The following ZNF469 variants were observed in gnomAD, a reference collection of about 807,000 sequenced individuals.
The protein encoded by ZNF469 is zinc finger protein 469.
In ZNF469, 1 loss-of-function variant was observed where a neutral mutation model predicts 1.0. That is an observed-to-expected ratio of 1.00 (90% CI 0.35 to 4.73). The LOEUF (loss-of-function observed/expected upper bound fraction) is 4.73, where lower values mean the gene tolerates loss of function less well. Among genes scored for constraint, ZNF469 ranks in the 30% most tolerant of loss-of-function variants. The pLI, the probability that ZNF469 is intolerant of heterozygous loss-of-function variation, is 0.16. For synonymous variants in ZNF469, 2,703 were observed against 2,363.4 expected (o/e 1.14, Z -4.17); for missense variants, 6,100 against 5,356.3 (o/e 1.14, Z -4.33).
At chr16:88,291,795 C>A in the ZNF469 span, among the ~76,000 whole-genome samples, 1 of 152,116 alleles carries the variant, frequency 6.6e-6, no homozygotes, top group East Asian at 1.9e-4. Flanking sequence ...CCTGGGAGTG[C>A]CTTTAAGTCC....
chr16:88,163,917 T>TGGAC, the ZNF469 span, among the ~76,000 whole-genome samples: 2 of 143,602 alleles, frequency 1.4e-5, no homozygotes, highest in South Asian at 2.3e-4. Context: ...GATGGATGGA[T>TGGAC]GAGTGGGTGG....
chr16:88,381,189 C>G (rs1351311012), upstream of ZNF469, among the ~76,000 whole-genome samples: 3 of 130,812 alleles, frequency 2.3e-5, no homozygotes, highest in African/African-American at 3.5e-5. Context: ...CATGCACTCA[C>G]ACACATGCAT....
At chr16:88,266,985 C>G in the ZNF469 span, among the ~76,000 whole-genome samples, 1 of 152,232 alleles carries the variant, frequency 6.6e-6, no homozygotes, top group African/African-American at 2.4e-5. Flanking sequence ...ACCAGGGGGG[C>G]CCTGGAGCAG....
At chr16:88,260,792 T>G in the ZNF469 span, among the ~76,000 whole-genome samples, 1 of 152,198 alleles carries the variant, frequency 6.6e-6, no homozygotes, top group African/African-American at 2.4e-5. The surrounding 1 kb of genome is among the most constrained non-coding windows in gnomAD (Gnocchi z 4.1). Flanking sequence ...CAGATGTGAT[T>G]GAACTGAGGA....
the ZNF469 span, among the ~76,000 whole-genome samples, chr16:88,123,102 G>T: frequency 6.6e-6 from 1 of 152,130 alleles, no homozygotes; most frequent in African/African-American, 2.4e-5. Flanking sequence ...ATGCTGGCGA[G>T]TATGGACACA....
chr16:88,297,358 A>G, the ZNF469 span, among the ~76,000 whole-genome samples: 1 of 152,178 alleles, frequency 6.6e-6, no homozygotes, highest in East Asian at 1.9e-4. Flanking sequence ...GTGCATGACA[A>G]GGCTCAGCCA....
chr16:88,381,833 T>C (rs775214208), upstream of ZNF469, among the ~76,000 whole-genome samples: 1 of 152,076 alleles, frequency 6.6e-6, no homozygotes, highest in Non-Finnish European at 1.5e-5. Flanking sequence ...GTTCGCAGAG[T>C]CCCAAAACAG....
chr16:88,143,863 G>A, the ZNF469 span, among the ~76,000 whole-genome samples: 9 of 152,258 alleles, frequency 5.9e-5, no homozygotes, highest in South Asian at 1.2e-3. Flanking sequence ...CCTGGCTGGC[G>A]GCCAGCGGCA....
the ZNF469 span, among the ~76,000 whole-genome samples, chr16:88,368,381 T>A: frequency 1.3e-5 from 2 of 152,340 alleles, no homozygotes; most frequent in East Asian, 3.9e-4. Flanking sequence ...CCGAGCTCCT[T>A]GCAGGGGCTC....
At chr16:88,164,618 C>T in the ZNF469 span, among the ~76,000 whole-genome samples, 78 of 152,238 alleles carry the variant, frequency 5.1e-4, no homozygotes, top group African/African-American at 1.6e-3. Flanking sequence ...TTATGTTTGA[C>T]GTGGATTCTG....
the ZNF469 span, among the ~76,000 whole-genome samples, chr16:88,281,870 C>T: frequency 2.0e-5 from 3 of 152,218 alleles, no homozygotes; most frequent in African/African-American, 7.2e-5. Context: ...GATGTCAGTG[C>T]ACAGGTTAGT....
chr16:88,188,933 C>T, the ZNF469 span, among the ~76,000 whole-genome samples: 1 of 152,120 alleles, frequency 6.6e-6, no homozygotes, highest in East Asian at 1.9e-4. Context: ...TAGGAGGCAC[C>T]TCAAATGCCA....
Position 88,428,913 on chromosome 16 carries a change from C to A in ZNF469, c.1443C>A (p.Pro481=). ...GGCTCTGCCTCCCCCAGAGTGCCCCCCTGCCTTGGCCCCAAGTGCTCCCGA... is the reference window on the plus strand; with the variant it reads ...GGCTCTGCCTCCCCCAGAGTGCCCCACTGCCTTGGCCCCAAGTGCTCCCGA... ...GQRLCLPQSA[P]LPWPQVLPTA... is the part of the protein sequence containing the mutation. The change falls in exon 3 of 3, where the codon CCC becomes CCA. Residue 481 remains proline (P), a synonymous_variant. Coordinates refer to ENST00000565624, the MANE Select transcript of ZNF469 (RefSeq NM_001367624.2). The A allele has an allele frequency of 1.3e-6, 2 of 1,546,620 alleles. No individual in the cohort carries two copies. Among genetic ancestry groups the A allele is most frequent in the Non-Finnish European group, 1.7e-6 (2 of 1,145,582 alleles).
the ZNF469 span, among the ~76,000 whole-genome samples, chr16:88,145,339 G>A: frequency 3.8e-4 from 58 of 152,166 alleles, no homozygotes; most frequent in East Asian, 9.5e-3. Context: ...ACAACACCAC[G>A]GCCCCTCGTG....
the ZNF469 span, among the ~76,000 whole-genome samples, chr16:88,236,681 A>G: frequency 6.6e-6 from 1 of 152,326 alleles, no homozygotes; most frequent in South Asian, 2.1e-4. Flanking sequence ...AGCCTGGCCA[A>G]CATGGCAAAA....
At chr16:88,265,381 G>A in the ZNF469 span, among the ~76,000 whole-genome samples, 1 of 152,182 alleles carries the variant, frequency 6.6e-6, no homozygotes, top group Admixed American at 6.5e-5. Context: ...GCCTCACCCC[G>A]AGGGCTGCGG....
intron 1 of ZNF469, among the ~76,000 whole-genome samples, chr16:88,390,269 C>T (rs1904450562): frequency 6.6e-6 from 1 of 152,134 alleles, no homozygotes; most frequent in African/African-American, 2.4e-5. Context: ...TGGCACCTTC[C>T]CCAGTTCTGG....
At chr16:88,269,276 C>T in the ZNF469 span, among the ~76,000 whole-genome samples, 1 of 146,248 alleles carries the variant, frequency 6.8e-6, no homozygotes, top group Non-Finnish European at 1.6e-5. Context: ...GGGATAAAAA[C>T]TGCACCCAGG....
chr16:88,428,885 A>G lies in ZNF469; in HGVS notation c.1415A>G (p.Gln472Arg). ...MFFNGQPSPG[Q>R]RLCLPQSAPL... ...TTTAACGGCCAGCCCAGCCCAGGCC[A>G]GCGGCTCTGCCTCCCCCAGAGTGCC... Residue 472 changes from glutamine (Q) to arginine (R), a missense_variant, in exon 3 of 3, where the codon CAG (glutamine) becomes CGG (arginine). Coordinates refer to ENST00000565624, the MANE Select transcript of ZNF469 (RefSeq NM_001367624.2). 1 of 1,547,952 alleles carries G rather than the reference A, an allele frequency of 6.5e-7. No individual in the cohort carries two copies. The highest frequency in any genetic ancestry group is 1.2e-5 in the South Asian group (1 of 83,992).
Sources: allele counts gnomAD v4.1 joint callset (sites outside exome capture counted in the v4.1 genomes callset), GRCh38; gene constraint gnomAD v4.1.1; non-coding constraint Gnocchi (gnomAD v3.1); transcripts MANE v1.5; gene names NCBI Gene and HGNC (gene_info 2026-07-23, HGNC 2026-07-21).